COQ6: variants seen among roughly 807,000 people sequenced by gnomAD.
COQ6 encodes the protein coenzyme Q6, monooxygenase.
In COQ6, 45 loss-of-function variants were observed where a neutral mutation model predicts 55.5. The ratio of observed to expected loss-of-function variants is 0.81; its 90% confidence interval spans 0.64 to 1.04. The LOEUF is 1.04. Ranked by LOEUF, COQ6 falls within the 50% of genes least tolerant of loss-of-function variation. COQ6 has a pLI of 0.00. For missense variants in COQ6, 550 were observed against 601.3 expected, an observed-to-expected ratio of 0.91 and a Z score of 0.89; for synonymous variants, 206 against 230.5, an observed-to-expected ratio of 0.89 and a Z score of 0.96.
At chr14:73,959,771 T>C in intron 8 of COQ6, 1 of 1,176,070 alleles carries the variant, frequency 8.5e-7, no homozygotes, top group Non-Finnish European at 1.1e-6. Flanking sequence ...GGTTTCACCA[T>C]GTTGGCCAGG....
At chr14:73,955,258 T>G in intron 2 of COQ6, 193 bp from the exon 3 acceptor site, 1 of 637,406 alleles carries the variant, frequency 1.6e-6, no homozygotes. Flanking sequence ...CGGCAGAAGC[T>G]GGGTCTTTTT....
At position 73,958,996 on chromosome 14, in the gene COQ6, G is replaced by A. The variant is rs925685162; in HGVS notation, c.638G>A (p.Gly213Glu). 6.2e-7 allele frequency: 1 copy of A among 1,614,000 alleles called. No individual in the cohort carries two copies. Among genetic ancestry groups the A allele is most frequent in the African/African-American group, 1.3e-5 (1 of 74,930 alleles). The change falls in exon 6 of 12, where the codon GGA becomes GAA. Residue 213 changes from glycine to glutamate, a missense_variant. Physicochemically the swap from Gly to Glu is moderately conservative, Grantham distance 98. Coordinates refer to ENST00000334571, the MANE Select transcript of COQ6 (RefSeq NM_182476.3). ...ATAGGTGCAGATGGTCACAACTCCG[G>A]AGTACGGCAGGCTGTTGGAATCCAG... ...LLIGADGHNS[G>E]VRQAVGIQNV... is the part of the protein sequence containing the mutation.
At chr14:73,958,684 T>C (rs1242203749) in intron 5 of COQ6, 3 of 1,338,380 alleles carry the variant, frequency 2.2e-6, no homozygotes, top group Non-Finnish European at 2.9e-6. Flanking sequence ...GTGTGCCCCA[T>C]ACTGAAACTT....
rs376848848 is a variant in COQ6 at position 73,955,501 on chromosome 14, C to T, written c.349C>T (p.Arg117Ter). 25 of 1,613,688 alleles carry T rather than the reference C, an allele frequency of 1.5e-5. No homozygotes were observed. The highest frequency in any genetic ancestry group is 5.3e-5 in the African/African-American group (4 of 74,888). The change falls in exon 3 of 12, where the codon CGA becomes TGA. Residue 117 changes from arginine (R) to a stop codon, truncating the protein, a stop_gained. Transcript: ENST00000334571. LOFTEE classifies it high-confidence loss of function. ...CAACATGAGATACAGAGCCTTTCGG[C>T]GAATGCAGGTGCCCCTTTATCTTTT... ...ICNMRYRAFRRMQVWDACSEA... is the reference protein window; with the variant it reads ...ICNMRYRAFR
chr14:73,952,967 C>T (rs2056258207), intron 1 of COQ6, among the ~76,000 whole-genome samples: 1 of 152,228 alleles, frequency 6.6e-6, no homozygotes, highest in African/African-American at 2.4e-5. Flanking sequence ...TGAGCCACCG[C>T]ACCGGCCTTT....
At chr14:73,962,168 G>C (rs1434928706) in intron 11 of COQ6, among the ~76,000 whole-genome samples, 2 of 151,876 alleles carry the variant, frequency 1.3e-5, no homozygotes, top group African/African-American at 2.4e-5. Context: ...AGCTGGTCTT[G>C]AACTCCTGAC....
At position 73,961,845 on chromosome 14, in the gene COQ6, C is replaced by T. The variant is rs148444170; in HGVS notation, c.1319C>T (p.Pro440Leu). Residue 440 changes from proline (P) to leucine (L), a missense_variant, in exon 11 of 12, where the codon CCG becomes CTG. Pro to Leu is a moderately conservative substitution (Grantham distance 98, BLOSUM62 -3). Transcript: ENST00000334571. Reference protein sequence around the residue: ...LKRLYSTSASPLVLLRTWGLQ... With the variant: ...LKRLYSTSASLLVLLRTWGLQ... ...AGGCTCTATTCTACCAGTGCCTCCCCGCTTGTGTTGCTCAGGACGTGGGGC... is the reference window on the plus strand; with the variant it reads ...AGGCTCTATTCTACCAGTGCCTCCCTGCTTGTGTTGCTCAGGACGTGGGGC... 19 of 1,614,204 alleles carry T rather than the reference C, an allele frequency of 1.2e-5. No individual in the cohort carries two copies. The highest frequency in any genetic ancestry group is 5.3e-5 in the African/African-American group (4 of 75,058).
chr14:73,961,620 C>G lies in COQ6; in HGVS notation c.1210+50C>G, dbSNP rs749870308. On this transcript the variant is annotated intron_variant, in intron 10 of 11. Transcript: ENST00000334571. ...AGTATCCAGAGGTCATATAGTTAGG[C>G]AAGATCAGGGCCCACAGTAGCAAGA... is the stretch of plus-strand genomic sequence containing the variant. 6 of 1,606,294 alleles carry G rather than the reference C, an allele frequency of 3.7e-6. No individual in the cohort carries two copies. The African/African-American group carries it at 8.0e-5, about 21-fold the overall frequency.
At position 73,963,411 on chromosome 14, in the gene COQ6, G is replaced by C. The variant is rs1324428458; in HGVS notation, c.*412G>C. Reference sequence around the variant, plus strand: ...GACTCGATGCATTTTTGTTAGAATTGCTGTTTAAATGTTAACATCAGAATG... The same window carrying C: ...GACTCGATGCATTTTTGTTAGAATTCCTGTTTAAATGTTAACATCAGAATG... On this transcript the variant is annotated 3_prime_UTR_variant, in exon 12 of 12. Transcript: ENST00000334571. 7.4e-6 allele frequency: 2 copies of C among 269,690 alleles called. No individual in the cohort carries two copies. Among genetic ancestry groups the C allele is most frequent in the Non-Finnish European group, 6.9e-6 (1 of 144,184 alleles). The allele number at this position is 269,690 out of a possible 1,614,324, so 16.7% of individuals were successfully genotyped here.
At chr14:73,961,135 C>T (rs1277112662) in intron 8 of COQ6, 38 bp from the exon 9 acceptor site, 24 of 1,603,232 alleles carry the variant, frequency 1.5e-5, no homozygotes, top group African/African-American at 6.7e-5. Flanking sequence ...CTGCTACTCA[C>T]ATTTCACCTT....
chr14:73,954,768 C>T (rs1211332431), intron 2 of COQ6, among the ~76,000 whole-genome samples: 30 of 140,234 alleles, frequency 2.1e-4, no homozygotes, highest in South Asian at 1.4e-3. Flanking sequence ...AGGGTGAACC[C>T]GGGAGGCGGA....
upstream of COQ6, chr14:73,950,077 G>C: frequency 6.2e-7 from 1 of 1,604,922 alleles, no homozygotes; most frequent in Non-Finnish European, 8.5e-7. Flanking sequence ...TGGCAGCAGC[G>C]GTGGCAGCGA....
Position 73,959,169 on chromosome 14 carries a change from A to G in COQ6, c.728A>G (p.Glu243Gly). The G allele has an allele frequency of 6.2e-7, 1 of 1,614,196 alleles. No individual in the cohort carries two copies. The highest frequency in any genetic ancestry group is 1.3e-5 in the African/African-American group (1 of 75,050). Reference sequence around the variant, plus strand: ...TTCTCCTCTCTGTTGCAGGCCACAGAAAACAACGTAGCCTGGCAGAGATTT... The same window carrying G: ...TTCTCCTCTCTGTTGCAGGCCACAGGAAACAACGTAGCCTGGCAGAGATTT... ...VATLHLSEAT[E>G]NNVAWQRFLP... Residue 243 changes from glutamate to glycine, a missense_variant, in exon 7 of 12, where the codon GAA becomes GGA. Glu to Gly is a moderately conservative substitution (Grantham distance 98, BLOSUM62 -2). Transcript: ENST00000334571.
At chr14:73,951,872 G>A (rs1471252563) in intron 1 of COQ6, among the ~76,000 whole-genome samples, 1 of 149,422 alleles carries the variant, frequency 6.7e-6, no homozygotes, top group Non-Finnish European at 1.5e-5. Flanking sequence ...TGGCTGCTTG[G>A]GAGGCTGAGG....
chr14:73,953,693 AG>A lies in COQ6; in HGVS notation c.298+129del, dbSNP rs948344271. 192 of 1,259,022 alleles carry A rather than the reference AG, an allele frequency of 1.5e-4. No individual in the cohort carries two copies. The African/African-American group carries it at 2.2e-3, about 14-fold the overall frequency. The allele number at this position is 1,259,022 out of a possible 1,614,324, so 78.0% of individuals were successfully genotyped here. A position where few individuals can be genotyped will look rare whatever the true frequency, so the allele number is the denominator to read the frequency against. On this transcript the variant is annotated intron_variant, in intron 2 of 11. Transcript: ENST00000334571. ...GGAGCTCACTGAGGTGGGTGGAGAG[AG>A]GGGGTGGGATTGGTAGTCTAGGGCA...
intron 2 of COQ6, 53 bp downstream of exon 2, chr14:73,953,622 C>G (rs2056285515): frequency 2.5e-6 from 4 of 1,609,200 alleles, no homozygotes; most frequent in Non-Finnish European, 3.4e-6. Context: ...ACTTAGCTTT[C>G]TAGTGTATCC....
Position 73,961,838 on chromosome 14 carries a change from G to A in COQ6, c.1312G>A (p.Ala438Thr). 6.2e-7 allele frequency: 1 copy of A among 1,614,184 alleles called. No homozygotes were observed. The highest frequency in any genetic ancestry group is 8.5e-7 in the Non-Finnish European group (1 of 1,180,030). The change falls in exon 11 of 12, where the codon GCC becomes ACC. Residue 438 changes from alanine (A) to threonine (T), a missense_variant. By Grantham distance (58) the Ala-to-Thr change is moderately conservative (BLOSUM62 0). Coordinates refer to ENST00000334571, the MANE Select transcript of COQ6 (RefSeq NM_182476.3). ...DLLKRLYSTS[A>T]SPLVLLRTWG... ...ACTAAAAAGGCTCTATTCTACCAGTGCCTCCCCGCTTGTGTTGCTCAGGAC... is the reference window on the plus strand; with the variant it reads ...ACTAAAAAGGCTCTATTCTACCAGTACCTCCCCGCTTGTGTTGCTCAGGAC...
chr14:73,959,917 C>G lies in COQ6; in HGVS notation c.891+395C>G, dbSNP rs1170035838. 3 of 1,173,408 alleles carry G rather than the reference C, an allele frequency of 2.6e-6. No individual in the cohort carries two copies. In the African/African-American group the frequency reaches 4.8e-5, roughly 19 times the overall value. 72.7% of individuals were successfully genotyped at this position (1,173,408 alleles called of 1,614,324 possible). A position where few individuals can be genotyped will look rare whatever the true frequency, so the allele number is the denominator to read the frequency against. On this transcript the variant is annotated intron_variant, in intron 8 of 11. Transcript: ENST00000334571. ...AAAAAGGAGTAACCAGTCAGCTGTC[C>G]CTTTCTACTTTGTAACTATAATGCT...
chr14:73,961,100 G>A (rs1160765460), intron 8 of COQ6, 73 bp from the exon 9 acceptor site: 1 of 1,517,372 alleles, frequency 6.6e-7, no homozygotes, highest in Non-Finnish European at 8.9e-7. Flanking sequence ...TACAAACAAG[G>A]TTTCTTTATT....
Sources: allele counts gnomAD v4.1 joint callset (sites outside exome capture counted in the v4.1 genomes callset), GRCh38; gene constraint gnomAD v4.1.1; transcripts MANE v1.5; gene names NCBI Gene and HGNC (gene_info 2026-07-23, HGNC 2026-07-21).